Variants in MAP2K1 observed in about 807,000 individuals in gnomAD.
MAP2K1 encodes the protein mitogen-activated protein kinase kinase 1, also known as dual specificity mitogen-activated protein kinase kinase 1.
Under a neutral mutation model 46.3 loss-of-function variants are expected in MAP2K1, and 16 were observed. The observed-to-expected ratio is 0.35, with a 90% confidence interval of 0.23 to 0.52. The LOEUF (loss-of-function observed/expected upper bound fraction) is 0.52, where lower values mean the gene tolerates loss of function less well. Ranked by LOEUF, MAP2K1 falls within the 20% of genes least tolerant of loss-of-function variation. The pLI, the probability that MAP2K1 is intolerant of heterozygous loss-of-function variation, is 0.94. For missense variants in MAP2K1, 263 were observed against 497.1 expected, an observed-to-expected ratio of 0.53 and a Z score of 4.48; for synonymous variants, 183 against 185.6, an observed-to-expected ratio of 0.99 and a Z score of 0.11.
intron 3 of MAP2K1, among the ~76,000 whole-genome samples, chr15:66,438,098 GT>G (rs995240451): frequency 9.8e-5 from 9 of 91,784 alleles, no homozygotes; most frequent in Non-Finnish European, 2.1e-4. Context: ...TTTTCTTTTT[GT>G]TTTTTTAGAC....
At chr15:66,421,059 CAT>C (rs1443120279) in intron 1 of MAP2K1, among the ~76,000 whole-genome samples, 4 of 145,284 alleles carry the variant, frequency 2.8e-5, no homozygotes, top group African/African-American at 5.1e-5. Flanking sequence ...TATGTACACA[CAT>C]ACACACACAC....
intron 1 of MAP2K1, among the ~76,000 whole-genome samples, chr15:66,388,768 T>C (rs2093349340): frequency 6.6e-6 from 1 of 152,146 alleles, no homozygotes; most frequent in African/African-American, 2.4e-5. Flanking sequence ...CTGTGGTGTG[T>C]GTTCAGCTGT....
intron 5 of MAP2K1, among the ~76,000 whole-genome samples, chr15:66,468,129 G>A (rs959931669): frequency 1.3e-5 from 2 of 152,142 alleles, no homozygotes; most frequent in African/African-American, 4.8e-5. Context: ...TATTTGATTT[G>A]TGCTTTTATT....
intron 1 of MAP2K1, among the ~76,000 whole-genome samples, chr15:66,393,429 G>T (rs909194670): frequency 6.6e-6 from 1 of 152,024 alleles, no homozygotes; most frequent in Admixed American, 6.6e-5. Context: ...GCCCTCCTTG[G>T]CCTCCCAAAG....
intron 5 of MAP2K1, among the ~76,000 whole-genome samples, chr15:66,480,240 C>T (rs565524215): frequency 6.6e-6 from 1 of 152,212 alleles, no homozygotes; most frequent in South Asian, 2.1e-4. Context: ...AGGCGCCCAC[C>T]ACCACTCCTG....
At chr15:66,441,347 C>G (rs933480709) in intron 3 of MAP2K1, among the ~76,000 whole-genome samples, 3 of 152,180 alleles carry the variant, frequency 2.0e-5, no homozygotes, top group African/African-American at 7.2e-5. Flanking sequence ...TGGGCTGCCC[C>G]CTGTCCTAGG....
rs549103925 is a variant in MAP2K1 at position 66,459,095 on chromosome 15, A to G, written c.568+14388A>G. On this transcript the variant is annotated intron_variant, in intron 5 of 10. Coordinates refer to ENST00000307102, the MANE Select transcript of MAP2K1 (RefSeq NM_002755.4). Reference sequence around the variant, plus strand: ...TTTGGGAGGTTGAGGAGGGCGGATCATGAGGTCAGGAGATCAAGACCATGC... The same window carrying G: ...TTTGGGAGGTTGAGGAGGGCGGATCGTGAGGTCAGGAGATCAAGACCATGC... Among the ~76,000 whole-genome samples, 9 of 151,574 alleles carry G rather than the reference A, an allele frequency of 5.9e-5. No homozygotes were observed. The South Asian group carries it at 1.9e-3, about 32-fold the overall frequency.
chr15:66,453,443 G>A, intron 5 of MAP2K1: 2 of 701,616 alleles, frequency 2.9e-6, no homozygotes, highest in East Asian at 2.7e-5. Flanking sequence ...TCAGACTCCT[G>A]TTGTTTACAA....
intron 1 of MAP2K1, among the ~76,000 whole-genome samples, chr15:66,398,874 A>G (rs534909714): frequency 6.6e-6 from 1 of 151,840 alleles, no homozygotes; most frequent in South Asian, 2.1e-4. Flanking sequence ...CCCGGGTTCA[A>G]GTGATTCTTG....
At chr15:66,397,073 C>T (rs540499896) in intron 1 of MAP2K1, among the ~76,000 whole-genome samples, 62 of 134,962 alleles carry the variant, frequency 4.6e-4, no homozygotes, top group Non-Finnish European at 7.7e-4. Context: ...GGCACAATCT[C>T]GGCTCACTGC....
At chr15:66,482,904 G>T (rs1225478241) in intron 6 of MAP2K1, among the ~76,000 whole-genome samples, 3 of 152,132 alleles carry the variant, frequency 2.0e-5, no homozygotes, top group Admixed American at 6.5e-5. Context: ...TGGAGAGGGG[G>T]ACAGGCGCAG....
At chr15:66,420,950 T>C (rs959241401) in intron 1 of MAP2K1, among the ~76,000 whole-genome samples, 6 of 64,512 alleles carry the variant, frequency 9.3e-5, no homozygotes, top group African/African-American at 1.1e-4. Flanking sequence ...CATATATACA[T>C]ACACATACAT....
chr15:66,489,503 T>TCC, intron 9 of MAP2K1: 1 of 667,242 alleles, frequency 1.5e-6, no homozygotes, highest in Admixed American at 2.4e-5. Context: ...GTACTTGCTC[T>TCC]CCAGGGATTG....
rs918690546 is a variant in MAP2K1 at position 66,485,173 on chromosome 15, C to A, written c.877C>A (p.Pro293Thr). 1 of 1,613,808 alleles carries A rather than the reference C, an allele frequency of 6.2e-7. No homozygotes were observed. Among genetic ancestry groups the A allele is most frequent in the Non-Finnish European group, 8.5e-7 (1 of 1,179,986 alleles). The change falls in exon 7 of 11, where the codon CCC becomes ACC. Residue 293 changes from proline (P) to threonine (T), a missense_variant. This residue lies in a region of MAP2K1 where 118 missense variants were observed against 193.0 expected (regional missense o/e 0.61). Transcript: ENST00000307102. ...TGAGACCCCACCCAGGCCAAGGACCCCCGGGAGGCCCCTTAGCTGTGAGTA... is the reference window on the plus strand; with the variant it reads ...TGAGACCCCACCCAGGCCAAGGACCACCGGGAGGCCCCTTAGCTGTGAGTA... ...AAETPPRPRTPGRPLSSYGMD... is the reference protein window; with the variant it reads ...AAETPPRPRTTGRPLSSYGMD...
chr15:66,396,660 A>G lies in MAP2K1; in HGVS notation c.80+9233A>G, dbSNP rs142515053. 2.1e-4 allele frequency among the ~76,000 whole-genome samples: 32 copies of G among 152,202 alleles called. No homozygotes were observed. The East Asian group carries it at 5.2e-3, about 25-fold the overall frequency. ...GCAACTCCATGCCATGCTCAGTTAC[A>G]TCACTCCCTACTTAGTTATAATAGT... is the stretch of plus-strand genomic sequence containing the variant. On this transcript the variant is annotated intron_variant, in intron 1 of 10. Coordinates refer to ENST00000307102, the MANE Select transcript of MAP2K1 (RefSeq NM_002755.4).
intron 1 of MAP2K1, chr15:66,414,806 A>G (rs1426092383): frequency 3.4e-5 from 6 of 178,536 alleles, no homozygotes; most frequent in African/African-American, 5.3e-5. Flanking sequence ...TCCCCCAGTC[A>G]TCTTTTATTT....
Position 66,387,271 on chromosome 15 carries a change from CGCGGGGCAGCGCAGCGGGA to C in MAP2K1, c.-75_-57del. ...CCCGGACTTGGTCCTGCGCAGCGGG[CGCGGGGCAGCGCAGCGGGA>C]GGAAGCGAGAGGTGCTGCCCTCCCC... is the stretch of plus-strand genomic sequence containing the variant. On this transcript the variant is annotated 5_prime_UTR_variant, in exon 1 of 11. Transcript: ENST00000307102. The C allele has an allele frequency of 7.7e-7, 1 of 1,294,164 alleles. No homozygotes were observed. Among genetic ancestry groups the C allele is most frequent in the Non-Finnish European group, 1.1e-6 (1 of 916,536 alleles). 80.2% of individuals were successfully genotyped at this position (1,294,164 alleles called of 1,614,324 possible).
intron 6 of MAP2K1, among the ~76,000 whole-genome samples, chr15:66,483,245 C>T (rs1159971846): frequency 2.6e-5 from 4 of 152,200 alleles, no homozygotes; most frequent in Non-Finnish European, 5.9e-5. Flanking sequence ...CACCTACCCC[C>T]CACTGTGACT....
chr15:66,473,387 C>T (rs951131428), intron 5 of MAP2K1, among the ~76,000 whole-genome samples: 4 of 151,994 alleles, frequency 2.6e-5, no homozygotes, highest in African/African-American at 9.7e-5. Flanking sequence ...CCAGCCTGGG[C>T]AAAGCTGGGA....
Sources: allele counts gnomAD v4.1 joint callset (sites outside exome capture counted in the v4.1 genomes callset), GRCh38; gene constraint gnomAD v4.1.1; regional missense constraint gnomAD v4.1.1; transcripts MANE v1.5; gene names NCBI Gene and HGNC (gene_info 2026-07-23, HGNC 2026-07-21).